The following TENM3 variants were observed in gnomAD, a reference collection of about 807,000 sequenced individuals.
TENM3 encodes teneurin-3.
In TENM3, 63 loss-of-function variants were observed where a neutral mutation model predicts 255.1. The observed-to-expected ratio is 0.25, with a 90% confidence interval of 0.20 to 0.30. TENM3 has a LOEUF of 0.30. TENM3 is among the 10% of genes least tolerant of loss of function. TENM3 has a pLI of 1.00. For synonymous variants in TENM3, 1,306 were observed against 1,322.3 expected (o/e 0.99, Z 0.27); for missense variants, 2,929 against 3,461.1 (o/e 0.85, Z 3.86).
At chr4:182,732,016 C>A (rs1203908838) in intron 16 of TENM3, among the ~76,000 whole-genome samples, 2 of 151,952 alleles carry the variant, frequency 1.3e-5, no homozygotes, top group Non-Finnish European at 2.9e-5. Context: ...CTCCTGACCT[C>A]GTGATCCGCC....
intron 3 of TENM3, among the ~76,000 whole-genome samples, chr4:182,578,169 G>C (rs1056837538): frequency 3.3e-5 from 5 of 152,058 alleles, no homozygotes; most frequent in African/African-American, 1.2e-4. Context: ...TAGAGACGGG[G>C]TTTCACCATA....
At chr4:182,187,401 T>C (rs1753232244) in intron 1 of TENM3, among the ~76,000 whole-genome samples, 1 of 152,188 alleles carries the variant, frequency 6.6e-6, no homozygotes, top group African/African-American at 2.4e-5. Context: ...AAGATTATGT[T>C]CCTCTGGGTA....
At chr4:181,767,121 G>A in the TENM3 span, among the ~76,000 whole-genome samples, 2,273 of 143,946 alleles carry the variant, frequency 0.016, 78 homozygotes, top group African/African-American at 0.057. Flanking sequence ...GCGTGGTGGC[G>A]GGCGCCTGTA....
chr4:181,888,563 T>C, the TENM3 span, among the ~76,000 whole-genome samples: 1 of 92,832 alleles, frequency 1.1e-5, no homozygotes. Flanking sequence ...TATATATACA[T>C]ATATGTATAT....
intron 1 of TENM3, among the ~76,000 whole-genome samples, chr4:182,231,271 A>C (rs908161445): frequency 2.0e-5 from 3 of 151,986 alleles, no homozygotes; most frequent in Non-Finnish European, 4.4e-5. Flanking sequence ...ACTCATTCTG[A>C]CCAAGTCCTA....
intron 11 of TENM3, among the ~76,000 whole-genome samples, chr4:182,682,246 T>C (rs533253813): frequency 1.3e-5 from 2 of 152,328 alleles, no homozygotes; most frequent in South Asian, 4.1e-4. Context: ...GAGACTCATC[T>C]TTCATCTGCA....
chr4:182,185,054 G>A (rs1056218888), intron 1 of TENM3, among the ~76,000 whole-genome samples: 2 of 150,900 alleles, frequency 1.3e-5, no homozygotes. Flanking sequence ...CTGCACTCCA[G>A]CCTGGACAAC....
chr4:181,971,600 CCT>C, the TENM3 span, among the ~76,000 whole-genome samples: 6 of 151,890 alleles, frequency 4.0e-5, no homozygotes, highest in South Asian at 8.4e-4. Flanking sequence ...AGCGTCTCAC[CCT>C]GTCTCCCAGG....
At chr4:181,456,656 A>T in the TENM3 span, among the ~76,000 whole-genome samples, 1 of 151,894 alleles carries the variant, frequency 6.6e-6, no homozygotes, top group African/African-American at 2.4e-5. Context: ...ACTTGTATTG[A>T]TGAGTGAAGA....
the TENM3 span, among the ~76,000 whole-genome samples, chr4:181,951,399 G>A: frequency 5.7e-4 from 87 of 152,318 alleles, 1 homozygote; most frequent in East Asian, 0.014. Context: ...GCTTTAGCAT[G>A]AGTGTACAGA....
chr4:181,906,440 A>T, the TENM3 span: 1 of 192,582 alleles, frequency 5.2e-6, no homozygotes, highest in East Asian at 1.2e-4. Flanking sequence ...AAAAATGCAC[A>T]TGTGAGCATT....
chr4:181,540,928 TTACTA>T, the TENM3 span, among the ~76,000 whole-genome samples: 14 of 152,056 alleles, frequency 9.2e-5, no homozygotes, highest in African/African-American at 2.7e-4. Context: ...AGTAATGAAA[TTACTA>T]TACTAACGAG....
rs188714069 is a variant in TENM3 at position 182,674,946 on chromosome 4, G to A, written c.1326+1727G>A. Among the ~76,000 whole-genome samples the A allele has an allele frequency of 5.9e-5, 9 of 151,926 alleles. No individual in the cohort carries two copies. In the East Asian group the frequency reaches 1.2e-3, roughly 20 times the overall value. On this transcript the variant is annotated intron_variant, in intron 7 of 27. Transcript: ENST00000511685. The stretch of plus-strand genomic sequence containing the variant: ...GGCTGGAGTGCGATGGCATGATCTC[G>A]GCTCGCCACAACCTCCGCCTCCCGG...
chr4:181,578,141 AG>A, the TENM3 span, among the ~76,000 whole-genome samples: 1 of 152,222 alleles, frequency 6.6e-6, no homozygotes, highest in Non-Finnish European at 1.5e-5. Flanking sequence ...GAAGGTGAGC[AG>A]GGAACAAGTG....
chr4:182,239,070 TGTGTA>T (rs1410989851), upstream of TENM3, among the ~76,000 whole-genome samples: 404 of 146,992 alleles, frequency 2.7e-3, 6 homozygotes, highest in African/African-American at 0.01. Flanking sequence ...TGTGTGTGTG[TGTGTA>T]TTTTTTTTTT....
At chr4:182,214,619 G>A (rs2149915452) in intron 1 of TENM3, among the ~76,000 whole-genome samples, 1 of 151,836 alleles carries the variant, frequency 6.6e-6, no homozygotes. Flanking sequence ...TCCTCCCTCA[G>A]CCTCCCCAAG....
At chr4:181,811,703 A>T in the TENM3 span, among the ~76,000 whole-genome samples, 20 of 152,154 alleles carry the variant, frequency 1.3e-4, no homozygotes, top group African/African-American at 4.8e-4. Flanking sequence ...TACTTATAAA[A>T]CCATCAGATC....
the TENM3 span, among the ~76,000 whole-genome samples, chr4:181,968,990 C>CTATATATATATATA: frequency 1.1e-5 from 1 of 94,774 alleles, no homozygotes; most frequent in African/African-American, 4.1e-5. Context: ...CTCTCTCTCT[C>CTATATATATATATA]TCTATATACA....
At chr4:181,990,526 A>G in the TENM3 span, among the ~76,000 whole-genome samples, 1 of 152,294 alleles carries the variant, frequency 6.6e-6, no homozygotes, top group Admixed American at 6.6e-5. Flanking sequence ...CCTGAAAATA[A>G]TAACTAGCAT....
Sources: gnomAD v4.1 joint callset for allele counts (sites outside exome capture counted in the v4.1 genomes callset) on GRCh38, gnomAD v4.1.1 for gene constraint, MANE v1.5 for transcripts, NCBI Gene and HGNC (gene_info 2026-07-23, HGNC 2026-07-21) for gene names.